The following NRG1 variants were observed in gnomAD, a reference collection of about 807,000 sequenced individuals.
The protein encoded by NRG1 is pro-neuregulin-1, membrane-bound isoform.
A neutral mutation model predicts 63.8 loss-of-function variants in NRG1; 18 were observed. That is an observed-to-expected ratio of 0.28 (90% confidence interval 0.19 to 0.42). The LOEUF is 0.42. NRG1 is among the 10% of genes least tolerant of loss of function. The probability of loss-of-function intolerance (pLI) is 1.00; values close to 1 mark genes in which losing one functional copy is unlikely to be tolerated. For synonymous variants in NRG1, 302 were observed against 301.3 expected (o/e 1.00, Z -0.02); for missense variants, 762 against 814.7 (o/e 0.94, Z 0.79).
chr8:32,046,342 G>C (rs973378528), intron 1 of NRG1, among the ~76,000 whole-genome samples: 2 of 152,092 alleles, frequency 1.3e-5, no homozygotes, highest in Non-Finnish European at 2.9e-5. Flanking sequence ...CTTATACGTT[G>C]ATTATAGGGA....
chr8:31,670,658 C>G (rs1252806590), intron 1 of NRG1, among the ~76,000 whole-genome samples: 1 of 151,866 alleles, frequency 6.6e-6, no homozygotes, highest in Non-Finnish European at 1.5e-5. Flanking sequence ...TCAAGATTGG[C>G]TCCCATTACA....
At chr8:31,707,922 T>C (rs1215583589) in intron 1 of NRG1, among the ~76,000 whole-genome samples, 1 of 152,244 alleles carries the variant, frequency 6.6e-6, no homozygotes, top group Non-Finnish European at 1.5e-5. Flanking sequence ...ACTCGTCTAA[T>C]CGCTTTGGAT....
intron 5 of NRG1, among the ~76,000 whole-genome samples, chr8:32,639,361 G>A (rs1187216880): frequency 3.9e-5 from 6 of 152,092 alleles, no homozygotes; most frequent in East Asian, 1.9e-4. Context: ...AGGTGAGATC[G>A]CGCCACTGCA....
At chr8:31,832,675 A>T (rs959190510) in intron 1 of NRG1, among the ~76,000 whole-genome samples, 2 of 152,022 alleles carry the variant, frequency 1.3e-5, no homozygotes, top group Admixed American at 6.5e-5. Flanking sequence ...CAATAATTTC[A>T]ACAATTTTAT....
chr8:31,856,859 G>A (rs1412448085), intron 1 of NRG1, among the ~76,000 whole-genome samples: 1 of 152,080 alleles, frequency 6.6e-6, no homozygotes, highest in African/African-American at 2.4e-5. Context: ...CACTTCTGTT[G>A]GAGTACCCGG....
rs1300788636 is a variant in NRG1 at position 32,595,918 on chromosome 8, C to T, written c.191C>T (p.Ser64Phe). The change falls in exon 2 of 12, where the codon TCC becomes TTC. Residue 64 changes from serine to phenylalanine, a missense_variant. Around this residue, in one of 3 missense-constraint regions of NRG1, gnomAD observed 137 missense variants for 117.7 expected, o/e 1.16. Coordinates refer to ENST00000356819, the Ensembl canonical transcript of NRG1. ...CGGTGTGAAACCAGTTCTGAATACT[C>T]CTCTCTCAGATTCAAGTGGTTCAAG... 2.5e-6 allele frequency: 4 copies of T among 1,613,692 alleles called. No homozygotes were observed. In the African/African-American group the frequency reaches 5.3e-5, roughly 22 times the overall value.
At chr8:32,118,222 T>TC (rs1215313461) in intron 1 of NRG1, among the ~76,000 whole-genome samples, 1 of 152,074 alleles carries the variant, frequency 6.6e-6, no homozygotes, top group Non-Finnish European at 1.5e-5. Context: ...TGAGGGCAGA[T>TC]CCTTCATGAA....
intron 1 of NRG1, among the ~76,000 whole-genome samples, chr8:31,711,660 G>A (rs895785781): frequency 3.9e-5 from 6 of 152,058 alleles, no homozygotes; most frequent in Non-Finnish European, 8.8e-5. Flanking sequence ...TAAGTACTCT[G>A]TCTTCTTCTG....
chr8:32,036,823 C>T (rs916967776), intron 1 of NRG1, among the ~76,000 whole-genome samples: 2 of 152,168 alleles, frequency 1.3e-5, no homozygotes, highest in African/African-American at 2.4e-5. Context: ...TTTTGGTTAA[C>T]AGCTCCTGTA....
chr8:32,269,306 C>T (rs980700415), intron 1 of NRG1, among the ~76,000 whole-genome samples: 4 of 152,104 alleles, frequency 2.6e-5, no homozygotes, highest in Non-Finnish European at 5.9e-5. Context: ...ATAGGCTGAT[C>T]AGTGCTAGAA....
chr8:31,878,607 T>G (rs1830106800), intron 1 of NRG1, among the ~76,000 whole-genome samples: 1 of 151,916 alleles, frequency 6.6e-6, no homozygotes, highest in Admixed American at 6.6e-5. Context: ...GGTTCAGGAG[T>G]CTGAGTATGG....
chr8:32,254,045 T>C (rs1194463902), intron 1 of NRG1, among the ~76,000 whole-genome samples: 2 of 152,170 alleles, frequency 1.3e-5, no homozygotes, highest in African/African-American at 4.8e-5. Flanking sequence ...ATCCCCTTCA[T>C]CATTTTTTTA....
At chr8:32,741,241 A>G (rs1249586279) in intron 6 of NRG1, among the ~76,000 whole-genome samples, 1 of 152,210 alleles carries the variant, frequency 6.6e-6, no homozygotes, top group Non-Finnish European at 1.5e-5. Flanking sequence ...TATGTGAGTG[A>G]ATAACATGAA....
chr8:32,397,041 A>G (rs1361126710), intron 1 of NRG1, among the ~76,000 whole-genome samples: 1 of 152,182 alleles, frequency 6.6e-6, no homozygotes, highest in Non-Finnish European at 1.5e-5. Context: ...TTCTCGCATC[A>G]AAGTCTGTAT....
intron 1 of NRG1, among the ~76,000 whole-genome samples, chr8:32,282,471 C>T (rs1852982547): frequency 6.6e-6 from 1 of 152,206 alleles, no homozygotes; most frequent in Non-Finnish European, 1.5e-5. Flanking sequence ...CCAGCTGTGG[C>T]TCCTGCCTGC....
At chr8:32,003,233 T>C (rs565842586) in intron 1 of NRG1, among the ~76,000 whole-genome samples, 2 of 152,200 alleles carry the variant, frequency 1.3e-5, no homozygotes, top group South Asian at 2.1e-4. Context: ...AAGAAACCTT[T>C]TTAAAATGAC....
At chr8:31,984,191 T>C (rs913661751) in intron 1 of NRG1, among the ~76,000 whole-genome samples, 3 of 152,076 alleles carry the variant, frequency 2.0e-5, no homozygotes, top group African/African-American at 7.2e-5. Flanking sequence ...TGTGGTAAAA[T>C]ATAGAATAGG....
At chr8:31,756,252 A>G (rs905423364) in intron 1 of NRG1, among the ~76,000 whole-genome samples, 10 of 152,154 alleles carry the variant, frequency 6.6e-5, no homozygotes, top group Non-Finnish European at 8.8e-5. Flanking sequence ...ATAAAAAATT[A>G]TCTCTGATAA....
At chr8:32,063,695 C>T (rs1344756651) in intron 1 of NRG1, among the ~76,000 whole-genome samples, 2 of 152,032 alleles carry the variant, frequency 1.3e-5, no homozygotes, top group African/African-American at 4.8e-5. Context: ...AATTTAAGAT[C>T]TTTAAGATGG....
Sources: gnomAD v4.1 joint callset for allele counts (sites outside exome capture counted in the v4.1 genomes callset) on GRCh38, gnomAD v4.1.1 for gene constraint, gnomAD v4.1.1 regional missense constraint, MANE v1.5 for transcripts, NCBI Gene and HGNC (gene_info 2026-07-23, HGNC 2026-07-21) for gene names.